TNIK: variants seen among roughly 807,000 people sequenced by gnomAD.
TNIK encodes the protein TRAF2 and NCK-interacting protein kinase.
A neutral mutation model predicts 191.3 loss-of-function variants in TNIK; 49 were observed. The observed-to-expected ratio is 0.26, with a 90% CI of 0.20 to 0.32. The LOEUF is 0.32. Ranked by LOEUF, TNIK falls within the 10% of genes least tolerant of loss-of-function variation. TNIK has a pLI of 1.00. For synonymous variants in TNIK, 594 were observed against 600.9 expected (o/e 0.99, Z 0.17); for missense variants, 1,155 against 1,702.3 (o/e 0.68, Z 5.66).
chr3:171,362,027 C>T (rs1001443232), intron 2 of TNIK, among the ~76,000 whole-genome samples: 4 of 152,174 alleles, frequency 2.6e-5, no homozygotes, highest in African/African-American at 7.2e-5. Context: ...CACCCCTTCA[C>T]TAATCTCACA....
At chr3:171,222,039 T>A (rs77229261) in intron 3 of TNIK, among the ~76,000 whole-genome samples, 3 of 152,062 alleles carry the variant, frequency 2.0e-5, no homozygotes, top group African/African-American at 7.2e-5. Context: ...ACAAGATATA[T>A]CCCATTTAAG....
intron 18 of TNIK, among the ~76,000 whole-genome samples, chr3:171,113,069 G>A (rs1243827454): frequency 6.6e-6 from 1 of 152,092 alleles, no homozygotes; most frequent in Non-Finnish European, 1.5e-5. Context: ...CTCCATACAA[G>A]GTTTTATACT....
chr3:171,253,671 A>G (rs910500507), intron 2 of TNIK, among the ~76,000 whole-genome samples: 1 of 148,496 alleles, frequency 6.7e-6, no homozygotes, highest in African/African-American at 2.5e-5. Context: ...ACCCTACAAT[A>G]AATTGAAGTA....
chr3:171,137,108 C>CTTTTTTTT (rs71176593), intron 15 of TNIK, among the ~76,000 whole-genome samples: 21 of 104,150 alleles, frequency 2.0e-4, no homozygotes, highest in East Asian at 6.7e-4. Context: ...TTTAAAAATC[C>CTTTTTTTT]TTTTTTTTTT....
intron 5 of TNIK, 49 bp from the exon 6 acceptor site, chr3:171,190,836 T>A: frequency 7.2e-7 from 1 of 1,391,312 alleles, no homozygotes; most frequent in Non-Finnish European, 9.9e-7. Flanking sequence ...TAAGCCAAGA[T>A]GCCAATAAAT....
intron 2 of TNIK, among the ~76,000 whole-genome samples, chr3:171,267,994 G>A (rs1748598066): frequency 6.6e-6 from 1 of 152,156 alleles, no homozygotes; most frequent in African/African-American, 2.4e-5. Flanking sequence ...TTCATCAGAA[G>A]AAATTCAGCA....
chr3:171,242,504 T>G (rs1339859493), intron 2 of TNIK, among the ~76,000 whole-genome samples: 6 of 151,256 alleles, frequency 4.0e-5, no homozygotes, highest in Middle Eastern at 3.4e-3. Context: ...AAGATCAGTA[T>G]CAATCTGCAT....
intron 15 of TNIK, among the ~76,000 whole-genome samples, chr3:171,134,431 C>T (rs1260009798): frequency 1.3e-5 from 2 of 152,114 alleles, no homozygotes; most frequent in Non-Finnish European, 2.9e-5. Flanking sequence ...TAGGCATGCA[C>T]CACCATGCCC....
intron 1 of TNIK, among the ~76,000 whole-genome samples, chr3:171,454,348 C>T (rs1728550687): frequency 6.6e-6 from 1 of 151,964 alleles, no homozygotes; most frequent in South Asian, 2.1e-4. Flanking sequence ...GAAGAAAGGC[C>T]GAACGGGCAA....
intron 4 of TNIK, among the ~76,000 whole-genome samples, chr3:171,204,335 T>C (rs747229161): frequency 6.6e-5 from 10 of 152,196 alleles, no homozygotes; most frequent in Non-Finnish European, 1.5e-4. Context: ...ACTGATAGGA[T>C]TCGTACAGAT....
At chr3:171,239,735 A>C (rs1229428256) in intron 2 of TNIK, among the ~76,000 whole-genome samples, 1 of 152,264 alleles carries the variant, frequency 6.6e-6, no homozygotes, top group African/African-American at 2.4e-5. Context: ...TTATAAATGC[A>C]GGATGGCTCT....
intron 12 of TNIK, among the ~76,000 whole-genome samples, chr3:171,156,440 G>A (rs571311791): frequency 9.2e-5 from 14 of 152,354 alleles, no homozygotes; most frequent in South Asian, 2.1e-4. Context: ...CTGCAAGCCC[G>A]TTAATGAGAA....
intron 1 of TNIK, among the ~76,000 whole-genome samples, chr3:171,377,553 T>C (rs1245799701): frequency 6.6e-6 from 1 of 152,260 alleles, no homozygotes; most frequent in Non-Finnish European, 1.5e-5. Flanking sequence ...ATAGCCTAAA[T>C]GCTTTTCATA....
chr3:171,425,379 G>C (rs1158893788), intron 1 of TNIK, among the ~76,000 whole-genome samples: 1 of 152,118 alleles, frequency 6.6e-6, no homozygotes, highest in Non-Finnish European at 1.5e-5. Flanking sequence ...TAATTAGATA[G>C]ACTATCTACA....
In TNIK at chr3:171,164,838, T is replaced by A. The variant is rs555120973; in HGVS notation, c.949+2257A>T. Among the ~76,000 whole-genome samples the A allele has an allele frequency of 4.2e-4, 64 of 152,354 alleles. 2 individuals carry two copies. The highest frequency in any genetic ancestry group is 1.4e-3 in the African/African-American group (60 of 41,596). On this transcript the variant is annotated intron_variant, in intron 10 of 32. Coordinates refer to ENST00000436636, the MANE Select transcript of TNIK (RefSeq NM_015028.4). ...TGACCTATGTATTTCTCTTCATGCCTAGTTCCTCCAGCTTGGGCTGGCCTC... is the reference window on the plus strand; with the variant it reads ...TGACCTATGTATTTCTCTTCATGCCAAGTTCCTCCAGCTTGGGCTGGCCTC...
intron 1 of TNIK, among the ~76,000 whole-genome samples, chr3:171,436,583 G>T (rs1279284012): frequency 6.6e-6 from 1 of 152,188 alleles, no homozygotes; most frequent in Admixed American, 6.5e-5. Flanking sequence ...TCCAACCCCT[G>T]ATGTAATCGT....
rs149844148 is a variant in TNIK, at chr3:171,269,490, T to G, written c.124-41269A>C. ...TATATTGATGTTATACTGGAGTGTT[T>G]AGTATTTCAGCCAACATACATCACA... On this transcript the variant is annotated intron_variant, in intron 2 of 32. Coordinates refer to ENST00000436636, the MANE Select transcript of TNIK (RefSeq NM_015028.4). 2.6e-3 allele frequency among the ~76,000 whole-genome samples: 398 copies of G among 152,340 alleles called. 1 individual carries two copies. Among genetic ancestry groups the G allele is most frequent in the African/African-American group, 8.5e-3 (355 of 41,572 alleles).
At chr3:171,405,366 G>C (rs963277871) in intron 1 of TNIK, among the ~76,000 whole-genome samples, 2 of 151,974 alleles carry the variant, frequency 1.3e-5, no homozygotes, top group Non-Finnish European at 2.9e-5. Context: ...TCAAAATATA[G>C]AAACAAGCAA....
At chr3:171,292,187 ATAATTTCAATATC>A (rs1291029270) in intron 2 of TNIK, among the ~76,000 whole-genome samples, 2 of 152,194 alleles carry the variant, frequency 1.3e-5, no homozygotes, top group Non-Finnish European at 2.9e-5. Flanking sequence ...TCATTTTCTA[ATAATTTCAATATC>A]TGGATCATCT....
Sources: allele counts gnomAD v4.1 joint callset (sites outside exome capture counted in the v4.1 genomes callset), GRCh38; gene constraint gnomAD v4.1.1; transcripts MANE v1.5; gene names NCBI Gene and HGNC (gene_info 2026-07-23, HGNC 2026-07-21).